Variants in EPHA7 observed in about 807,000 individuals in gnomAD.
EPHA7 encodes ephrin type-A receptor 7.
A neutral mutation model predicts 112.6 loss-of-function variants in EPHA7; 25 were observed. That is an observed-to-expected ratio of 0.22 (90% CI 0.16 to 0.31). The LOEUF (loss-of-function observed/expected upper bound fraction) is 0.31, where lower values mean the gene tolerates loss of function less well. Ranked by LOEUF, EPHA7 falls within the 10% of genes least tolerant of loss-of-function variation. The pLI is 1.00. For synonymous variants in EPHA7, 437 were observed against 406.5 expected, an observed-to-expected ratio of 1.07 and a Z score of -0.90; for missense variants, 962 against 1,212.6, an observed-to-expected ratio of 0.79 and a Z score of 3.07.
intron 4 of EPHA7, among the ~76,000 whole-genome samples, chr6:93,357,422 C>T (rs1776005790): frequency 1.3e-5 from 2 of 152,244 alleles, no homozygotes; most frequent in Middle Eastern, 6.8e-3. Context: ...AAATAGTTCT[C>T]CTTTTAACCA....
rs747646723 is a variant in EPHA7 at position 93,318,927 on chromosome 6, T to A, written c.1324+37790A>T. ...CATTTCAACCTCTGAACCATTGTTG[T>A]CACTTAAATTTAGATTTCAATTCTT... On this transcript the variant is annotated intron_variant, in intron 5 of 16. Coordinates refer to ENST00000369303, the MANE Select transcript of EPHA7 (RefSeq NM_004440.4). 6.6e-5 allele frequency among the ~76,000 whole-genome samples: 10 copies of A among 152,114 alleles called. No homozygotes were observed. The South Asian group carries it at 1.2e-3, about 19-fold the overall frequency.
intron 2 of EPHA7, among the ~76,000 whole-genome samples, chr6:93,411,694 A>G (rs1582693828): frequency 6.6e-6 from 1 of 152,170 alleles, no homozygotes; most frequent in East Asian, 1.9e-4. Context: ...ATATTTTACA[A>G]TCGTTTCAAA....
In EPHA7 at chr6:93,414,167, G is replaced by A. The variant is rs1051731785; in HGVS notation, c.162+536C>T. Among the ~76,000 whole-genome samples, 7 of 151,608 alleles carry A rather than the reference G, an allele frequency of 4.6e-5. No individual in the cohort carries two copies. The South Asian group carries it at 8.3e-4, about 18-fold the overall frequency. ...GCCATCATTTCTGATTAATAACAGC[G>A]GATAGCACATAATATAAATTTGGAG... On this transcript the variant is annotated intron_variant, in intron 2 of 16. Coordinates refer to ENST00000369303, the MANE Select transcript of EPHA7 (RefSeq NM_004440.4).
intron 5 of EPHA7, among the ~76,000 whole-genome samples, chr6:93,288,154 A>G (rs1213590410): frequency 1.3e-5 from 2 of 152,232 alleles, no homozygotes; most frequent in Non-Finnish European, 2.9e-5. Context: ...TATTATTCAT[A>G]TAGCCCAAAA....
intron 5 of EPHA7, among the ~76,000 whole-genome samples, chr6:93,299,101 C>CG (rs1426105109): frequency 6.7e-6 from 1 of 149,888 alleles, no homozygotes; most frequent in Non-Finnish European, 1.5e-5. Flanking sequence ...CCGAGGCGGG[C>CG]GGATCAAGAG....
chr6:93,276,348 G>C (rs1771469065), intron 5 of EPHA7, among the ~76,000 whole-genome samples: 1 of 152,020 alleles, frequency 6.6e-6, no homozygotes, highest in Non-Finnish European at 1.5e-5. Flanking sequence ...TTTAGGATCA[G>C]ACTGGCCCTG....
chr6:93,379,707 C>T (rs982756617), intron 3 of EPHA7, among the ~76,000 whole-genome samples: 6 of 151,776 alleles, frequency 4.0e-5, no homozygotes, highest in Admixed American at 2.0e-4. Context: ...ACCATAATCA[C>T]TAAAATAACA....
intron 5 of EPHA7, among the ~76,000 whole-genome samples, chr6:93,300,982 C>A (rs1357707694): frequency 6.6e-6 from 1 of 152,052 alleles, no homozygotes; most frequent in Non-Finnish European, 1.5e-5. Context: ...AATTGTAACA[C>A]AAAGGTAAGT....
rs763679929 is a variant in EPHA7, at chr6:93,241,674, T to C, written c.*1752A>G. The C allele has an allele frequency of 1.4e-4, 32 of 223,918 alleles. No homozygotes were observed. The highest frequency in any genetic ancestry group is 2.1e-4 in the Non-Finnish European group (24 of 111,900). 13.9% of individuals were successfully genotyped at this position (223,918 alleles called of 1,614,324 possible). On this transcript the variant is annotated 3_prime_UTR_variant, in exon 17 of 17. Transcript: ENST00000369303. ...TTGGGAAGCAATCCATTTGAGTTTT[T>C]CTATAGCCGTCTTTGGTCCTAAATG... is the stretch of plus-strand genomic sequence containing the variant.
intron 3 of EPHA7, among the ~76,000 whole-genome samples, chr6:93,391,892 C>T (rs1777926429): frequency 6.6e-6 from 1 of 151,128 alleles, no homozygotes; most frequent in South Asian, 2.1e-4. Flanking sequence ...AAAAAAAAAA[C>T]TAAAAATATA....
intron 3 of EPHA7, among the ~76,000 whole-genome samples, chr6:93,401,087 G>A (rs1260558867): frequency 6.6e-6 from 1 of 151,978 alleles, no homozygotes; most frequent in African/African-American, 2.4e-5. Flanking sequence ...GTTAAACTAG[G>A]TGCTAATTGG....
In EPHA7 at chr6:93,251,250, T is replaced by G. The variant is rs533118348; in HGVS notation, c.2532+3397A>C. Among the ~76,000 whole-genome samples, 9 of 152,128 alleles carry G rather than the reference T, an allele frequency of 5.9e-5. No homozygotes were observed. In the East Asian group the frequency reaches 1.5e-3, roughly 26 times the overall value. Reference sequence around the variant, plus strand: ...AAAGTCATAAATCAGTGATGACTTTTAGAAGGAAAATGAGGTCTCACAATT... The same window carrying G: ...AAAGTCATAAATCAGTGATGACTTTGAGAAGGAAAATGAGGTCTCACAATT... On this transcript the variant is annotated intron_variant, in intron 14 of 16. Coordinates refer to ENST00000369303, the MANE Select transcript of EPHA7 (RefSeq NM_004440.4).
chr6:93,252,818 G>C (rs1770273987), intron 14 of EPHA7, among the ~76,000 whole-genome samples: 1 of 151,714 alleles, frequency 6.6e-6, no homozygotes, highest in Non-Finnish European at 1.5e-5. Context: ...AAAAATTAAA[G>C]AATGTGCCAA....
chr6:93,381,856 C>A lies in EPHA7; in HGVS notation c.833-23445G>T, dbSNP rs559358915. Among the ~76,000 whole-genome samples the A allele has an allele frequency of 4.6e-5, 7 of 152,126 alleles. No homozygotes were observed. In the South Asian group the frequency reaches 1.5e-3, roughly 32 times the overall value. ...CCATACTTAAGTCATCATCAGCAGT[C>A]AAATTTTTCATTTCCAGTCACAAAT... On this transcript the variant is annotated intron_variant, in intron 3 of 16. Transcript: ENST00000369303.
At chr6:93,335,700 T>G (rs1001391631) in intron 5 of EPHA7, among the ~76,000 whole-genome samples, 1 of 151,958 alleles carries the variant, frequency 6.6e-6, no homozygotes, top group Non-Finnish European at 1.5e-5. Context: ...TCTATAACAA[T>G]TAAAATACAG....
chr6:93,282,598 G>A (rs1004065605), intron 5 of EPHA7, among the ~76,000 whole-genome samples: 6 of 152,296 alleles, frequency 3.9e-5, no homozygotes, highest in Admixed American at 2.0e-4. Context: ...CCCCTTTTTG[G>A]GCTGGCCAAG....
chr6:93,388,787 G>A (rs1481624490), intron 3 of EPHA7, among the ~76,000 whole-genome samples: 1 of 152,004 alleles, frequency 6.6e-6, no homozygotes, highest in African/African-American at 2.4e-5. Context: ...GTGTCATTAG[G>A]TGATGCATAA....
At chr6:93,335,052 T>C (rs1290291559) in intron 5 of EPHA7, among the ~76,000 whole-genome samples, 1 of 152,044 alleles carries the variant, frequency 6.6e-6, no homozygotes, top group Non-Finnish European at 1.5e-5. Context: ...CCAGCAACTG[T>C]ATGGGCTTTA....
chr6:93,417,456 A>G (rs1158976894), intron 1 of EPHA7, among the ~76,000 whole-genome samples: 4 of 152,016 alleles, frequency 2.6e-5, no homozygotes, highest in African/African-American at 9.7e-5. Flanking sequence ...TATACATCAC[A>G]CTTCTGCATC....
Sources: allele counts gnomAD v4.1 joint callset (sites outside exome capture counted in the v4.1 genomes callset), GRCh38; gene constraint gnomAD v4.1.1; transcripts MANE v1.5; gene names NCBI Gene and HGNC (gene_info 2026-07-23, HGNC 2026-07-21).